Variants in TMEM135 observed in about 807,000 individuals in gnomAD.
TMEM135 encodes the protein transmembrane protein 135, also known as peroxisomal membrane protein 52.
Under a neutral mutation model 60.3 loss-of-function variants are expected in TMEM135, and 30 were observed. That is an observed-to-expected ratio of 0.50 (90% CI 0.37 to 0.68). The LOEUF is 0.68. Among genes scored for constraint, TMEM135 ranks in the 30% least tolerant of loss-of-function variants. The pLI, the probability that TMEM135 is intolerant of heterozygous loss-of-function variation, is 0.00. For synonymous variants in TMEM135, 190 were observed against 186.7 expected, an observed-to-expected ratio of 1.02 and a Z score of -0.14; for missense variants, 468 against 548.8, an observed-to-expected ratio of 0.85 and a Z score of 1.47.
At chr11:87,293,983 G>T (rs923333451) in intron 6 of TMEM135, among the ~76,000 whole-genome samples, 1 of 152,144 alleles carries the variant, frequency 6.6e-6, no homozygotes, top group African/African-American at 2.4e-5. Context: ...CACCAACAGT[G>T]TAAAAGCATT....
chr11:87,123,252 G>A (rs898476810), intron 4 of TMEM135, among the ~76,000 whole-genome samples: 11 of 140,786 alleles, frequency 7.8e-5, no homozygotes, highest in Admixed American at 3.0e-4. Flanking sequence ...TGAAAGCAAG[G>A]TGTTGGCAGA....
rs759379791 is a variant in TMEM135, at chr11:87,157,381, C to T, written c.437C>T (p.Thr146Ile). 4 of 1,612,154 alleles carry T rather than the reference C, an allele frequency of 2.5e-6. No individual in the cohort carries two copies. The highest frequency in any genetic ancestry group is 2.2e-5 in the East Asian group (1 of 44,778). Residue 146 changes from threonine to isoleucine, a missense_variant, in exon 5 of 15, where the codon ACC becomes ATC. Physicochemically the swap from Thr to Ile is moderately conservative, Grantham distance 89. Transcript: ENST00000305494. ...TTCAGAATGGGTGTAGCAAGAGGAA[C>T]CATCACAACATTAAGAAATGGAGAA... is the stretch of plus-strand genomic sequence containing the variant. ...TLFRMGVARG[T>I]ITTLRNGEVL...
intron 3 of TMEM135, among the ~76,000 whole-genome samples, chr11:87,081,796 T>G (rs1409726389): frequency 1.3e-5 from 2 of 152,132 alleles, no homozygotes; most frequent in Non-Finnish European, 2.9e-5. Context: ...TATTACAGAT[T>G]ATGACCTATT....
At chr11:87,218,456 G>A (rs1476785443) in intron 5 of TMEM135, among the ~76,000 whole-genome samples, 1 of 151,962 alleles carries the variant, frequency 6.6e-6, no homozygotes, top group African/African-American at 2.4e-5. Flanking sequence ...ATGATTCTTG[G>A]TCTCATCAGG....
Position 87,326,707 on chromosome 11 carries a change from T to C in TMEM135, c.*5374T>C. The C allele has an allele frequency of 2.2e-6, 1 of 449,682 alleles. No homozygotes were observed. The highest frequency in any genetic ancestry group is 4.4e-6 in the Non-Finnish European group (1 of 225,796). 27.9% of individuals were successfully genotyped at this position (449,682 alleles called of 1,614,324 possible). On this transcript the variant is annotated 3_prime_UTR_variant, in exon 15 of 15. Transcript: ENST00000305494. ...CTCTCAAGGGAAAAAACAGGAGTCC[T>C]TATTTTTCTATTTATTTCAGGGAAA...
intron 5 of TMEM135, among the ~76,000 whole-genome samples, chr11:87,204,669 T>C (rs187041010): frequency 6.6e-6 from 1 of 152,310 alleles, no homozygotes; most frequent in African/African-American, 2.4e-5. Context: ...TACTGTTCTT[T>C]AAGTGGAAGT....
intron 5 of TMEM135, chr11:87,178,640 A>ATG: frequency 5.2e-6 from 2 of 384,648 alleles, no homozygotes; most frequent in Non-Finnish European, 5.2e-6. Flanking sequence ...TGGCCAGGTA[A>ATG]GTCTTGAACT....
At chr11:87,318,518 T>G (rs951634755) in intron 13 of TMEM135, among the ~76,000 whole-genome samples, 1 of 152,052 alleles carries the variant, frequency 6.6e-6, no homozygotes, top group Non-Finnish European at 1.5e-5. Context: ...TTGGGAAGAA[T>G]GCCCCAATTT....
At chr11:87,278,484 A>G (rs934555481) in intron 6 of TMEM135, among the ~76,000 whole-genome samples, 4 of 150,992 alleles carry the variant, frequency 2.6e-5, no homozygotes. Flanking sequence ...TCCTGCCTCA[A>G]CCTCCCTATT....
chr11:87,093,445 G>A (rs754196578), intron 4 of TMEM135, among the ~76,000 whole-genome samples: 8 of 151,960 alleles, frequency 5.3e-5, no homozygotes, highest in Admixed American at 3.9e-4. Flanking sequence ...TCTTGGGCTC[G>A]AGTGATCCTT....
At chr11:87,109,488 T>A (rs1319793933) in intron 4 of TMEM135, among the ~76,000 whole-genome samples, 1 of 152,200 alleles carries the variant, frequency 6.6e-6, no homozygotes, top group Non-Finnish European at 1.5e-5. Flanking sequence ...TTCCTCTTCT[T>A]GTAGTGTTGT....
At chr11:87,194,796 C>G (rs1375102729) in intron 5 of TMEM135, among the ~76,000 whole-genome samples, 1 of 152,020 alleles carries the variant, frequency 6.6e-6, no homozygotes, top group African/African-American at 2.4e-5. Flanking sequence ...ACTTAGAGCT[C>G]TCGTGAAAGT....
chr11:87,110,990 T>G (rs896289146), intron 4 of TMEM135, among the ~76,000 whole-genome samples: 3 of 152,224 alleles, frequency 2.0e-5, no homozygotes, highest in African/African-American at 7.2e-5. Context: ...AGATGCCTTA[T>G]GTACTTCAAC....
At chr11:87,127,934 CTG>C (rs1457079046) in intron 4 of TMEM135, among the ~76,000 whole-genome samples, 6 of 152,158 alleles carry the variant, frequency 3.9e-5, no homozygotes, top group Non-Finnish European at 8.8e-5. Flanking sequence ...GTTTCAGGCT[CTG>C]TGAGAAGAAA....
At chr11:87,279,717 C>T (rs558175834) in intron 6 of TMEM135, among the ~76,000 whole-genome samples, 1 of 152,328 alleles carries the variant, frequency 6.6e-6, no homozygotes, top group East Asian at 1.9e-4. Flanking sequence ...ATATTGCTTA[C>T]TCCACCTCAT....
At chr11:87,110,789 T>TGA (rs1216567976) in intron 4 of TMEM135, among the ~76,000 whole-genome samples, 61,405 of 151,658 alleles carry the variant, frequency 0.4, 13,597 homozygotes, top group East Asian at 0.65. Flanking sequence ...TGTGTGTGTG[T>TGA]GATGAATAAA....
At chr11:87,098,382 C>A (rs1857378481) in intron 4 of TMEM135, among the ~76,000 whole-genome samples, 1 of 136,286 alleles carries the variant, frequency 7.3e-6, no homozygotes, top group Non-Finnish European at 1.5e-5. Context: ...ACAAGTAAAA[C>A]CTTGCTTTAT....
intron 6 of TMEM135, among the ~76,000 whole-genome samples, chr11:87,289,383 C>T (rs757056741): frequency 5.4e-5 from 8 of 148,210 alleles, no homozygotes; most frequent in South Asian, 2.2e-4. Context: ...ACCACTAGAA[C>T]GTATTTCTCC....
chr11:87,082,916 A>T (rs1454447417), intron 3 of TMEM135, among the ~76,000 whole-genome samples: 1 of 152,230 alleles, frequency 6.6e-6, no homozygotes, highest in Non-Finnish European at 1.5e-5. Flanking sequence ...TTGTATAATC[A>T]GTTTTTCAAA....
Sources: allele counts gnomAD v4.1 joint callset (sites outside exome capture counted in the v4.1 genomes callset), GRCh38; gene constraint gnomAD v4.1.1; transcripts MANE v1.5; gene names NCBI Gene and HGNC (gene_info 2026-07-23, HGNC 2026-07-21).